The following GABBR2 variants were observed in gnomAD, a reference collection of about 807,000 sequenced individuals.
GABBR2 encodes the protein gamma-aminobutyric acid type B receptor subunit 2.
GABBR2 carries 23 observed loss-of-function variants against 105.6 expected under a neutral mutation model. That is an observed-to-expected ratio of 0.22 (90% confidence interval 0.16 to 0.31). The LOEUF is 0.31. GABBR2 is among the 10% of genes least tolerant of loss of function. GABBR2 has a pLI of 1.00. For missense variants in GABBR2, 734 were observed against 1,245.5 expected (o/e 0.59, Z 6.18); for synonymous variants, 478 against 499.7 (o/e 0.96, Z 0.58).
chr9:98,592,850 C>T (rs2131797203), intron 1 of GABBR2, among the ~76,000 whole-genome samples: 1 of 152,290 alleles, frequency 6.6e-6, no homozygotes, highest in African/African-American at 2.4e-5. Context: ...AGGGGTGAGA[C>T]TGGAAAAGGA....
chr9:98,317,143 G>A (rs1258617731), intron 13 of GABBR2, among the ~76,000 whole-genome samples: 1 of 152,246 alleles, frequency 6.6e-6, no homozygotes, highest in Non-Finnish European at 1.5e-5. Flanking sequence ...CTTTGGTGCT[G>A]CGAGCTGAAC....
chr9:98,316,934 C>T (rs939882079), intron 13 of GABBR2, among the ~76,000 whole-genome samples: 1 of 152,194 alleles, frequency 6.6e-6, no homozygotes, highest in Non-Finnish European at 1.5e-5. Context: ...CTCAAACCAG[C>T]ACTCCCTCCT....
intron 8 of GABBR2, among the ~76,000 whole-genome samples, chr9:98,400,479 T>C (rs995091947): frequency 1.3e-5 from 2 of 152,190 alleles, no homozygotes; most frequent in African/African-American, 4.8e-5. Flanking sequence ...GTTTTGGGCA[T>C]GTTCAATGTG....
At chr9:98,423,417 G>C (rs1832819368) in intron 7 of GABBR2, among the ~76,000 whole-genome samples, 1 of 152,176 alleles carries the variant, frequency 6.6e-6, no homozygotes, top group Non-Finnish European at 1.5e-5. Flanking sequence ...CTTTTGAGAA[G>C]TGTCTGTTCA....
intron 7 of GABBR2, among the ~76,000 whole-genome samples, chr9:98,421,351 G>A (rs73502849): frequency 0.031 from 4,790 of 152,252 alleles, 133 homozygotes; most frequent in African/African-American, 0.068. Flanking sequence ...AATCGACGAG[G>A]AACAGGAAAC....
At chr9:98,606,053 C>T (rs1484185893) in intron 1 of GABBR2, among the ~76,000 whole-genome samples, 16 of 152,152 alleles carry the variant, frequency 1.1e-4, no homozygotes, top group Admixed American at 1.0e-3. Context: ...CTATAGTTTG[C>T]TGAGAATGAT....
rs2131813277 is a variant in GABBR2, at chr9:98,610,739, G to T, written c.322-32667C>A. 2.6e-5 allele frequency among the ~76,000 whole-genome samples: 4 copies of T among 151,998 alleles called. 1 individual carries two copies. The South Asian group carries it at 8.3e-4, about 32-fold the overall frequency. On this transcript the variant is annotated intron_variant, in intron 1 of 18. Transcript: ENST00000259455. Reference sequence around the variant, plus strand: ...GGGCCTCCAGAGAGACCCTGGCCCTGCCAAGACCTTGATTTCAGACTTCTG... The same window carrying T: ...GGGCCTCCAGAGAGACCCTGGCCCTTCCAAGACCTTGATTTCAGACTTCTG...
chr9:98,414,646 T>C (rs934513510), intron 7 of GABBR2, among the ~76,000 whole-genome samples: 1 of 152,216 alleles, frequency 6.6e-6, no homozygotes, highest in African/African-American at 2.4e-5. Context: ...TGGCTAGCTG[T>C]TGACCAAATT....
intron 3 of GABBR2, among the ~76,000 whole-genome samples, chr9:98,540,795 G>A (rs2779602): frequency 0.62 from 93,949 of 152,096 alleles, 29,211 homozygotes; most frequent in East Asian, 0.78. Flanking sequence ...ATAGAAAGGA[G>A]AGGAGGAGGC....
chr9:98,568,640 T>C (rs1027843023), intron 2 of GABBR2, among the ~76,000 whole-genome samples: 1 of 152,084 alleles, frequency 6.6e-6, no homozygotes, highest in African/African-American at 2.4e-5. Flanking sequence ...GCCTGCCACA[T>C]GTTCCCCTCT....
intron 3 of GABBR2, among the ~76,000 whole-genome samples, chr9:98,535,741 G>C (rs1048297032): frequency 1.3e-5 from 2 of 152,098 alleles, no homozygotes; most frequent in Admixed American, 1.3e-4. Context: ...ATGGCGGAAA[G>C]TTAAATGCGT....
intron 8 of GABBR2, among the ~76,000 whole-genome samples, chr9:98,394,523 ACT>A (rs1832252380): frequency 6.6e-6 from 1 of 152,148 alleles, no homozygotes; most frequent in African/African-American, 2.4e-5. Flanking sequence ...CTACAACTGT[ACT>A]CTGTCTGGTA....
At chr9:98,329,006 C>T (rs1830975366) in intron 13 of GABBR2, among the ~76,000 whole-genome samples, 1 of 152,192 alleles carries the variant, frequency 6.6e-6, no homozygotes. Context: ...CTAGACATAG[C>T]ACCTGTCTCA....
intron 6 of GABBR2, among the ~76,000 whole-genome samples, chr9:98,457,130 T>TTTAA (rs1348851572): frequency 6.6e-6 from 1 of 152,264 alleles, no homozygotes; most frequent in East Asian, 1.9e-4. Context: ...GCGTTAAGCA[T>TTTAA]CACAGAAATG....
Position 98,611,537 on chromosome 9 carries a change from A to C in GABBR2, c.322-33465T>G, listed in dbSNP as rs140803280. Among the ~76,000 whole-genome samples, 3 of 152,358 alleles carry C rather than the reference A, an allele frequency of 2.0e-5. No individual in the cohort carries two copies. In the East Asian group the frequency reaches 5.8e-4, roughly 29 times the overall value. ...TATCCCAGGCCTAGCTAACTGGACAAGGTATGTAAACCCAAGCCATAGGCT... is the reference window on the plus strand; with the variant it reads ...TATCCCAGGCCTAGCTAACTGGACACGGTATGTAAACCCAAGCCATAGGCT... On this transcript the variant is annotated intron_variant, in intron 1 of 18. Coordinates refer to ENST00000259455, the MANE Select transcript of GABBR2 (RefSeq NM_005458.8).
chr9:98,606,183 T>C (rs965327893), intron 1 of GABBR2, among the ~76,000 whole-genome samples: 6 of 152,228 alleles, frequency 3.9e-5, no homozygotes, highest in African/African-American at 1.2e-4. Context: ...TTGAGGGACA[T>C]TTGGGTTGGT....
chr9:98,535,161 C>T (rs978759871), intron 3 of GABBR2, among the ~76,000 whole-genome samples: 10 of 152,120 alleles, frequency 6.6e-5, no homozygotes, highest in African/African-American at 2.4e-4. Flanking sequence ...ACAGTAGTGC[C>T]ATCTCAGCTC....
intron 3 of GABBR2, among the ~76,000 whole-genome samples, chr9:98,507,312 G>T (rs57879948): frequency 6.6e-6 from 1 of 151,858 alleles, no homozygotes; most frequent in African/African-American, 2.4e-5. Context: ...TGATCCCAAG[G>T]GTCTTTATAA....
At chr9:98,573,967 G>A (rs896736824) in intron 2 of GABBR2, among the ~76,000 whole-genome samples, 8 of 152,210 alleles carry the variant, frequency 5.3e-5, no homozygotes, top group East Asian at 1.9e-4. Flanking sequence ...AGGGTGTAGC[G>A]GAGGAAGAAA....
Sources: allele counts gnomAD v4.1 joint callset (sites outside exome capture counted in the v4.1 genomes callset), GRCh38; gene constraint gnomAD v4.1.1; transcripts MANE v1.5; gene names NCBI Gene and HGNC (gene_info 2026-07-23, HGNC 2026-07-21).